The following HNRNPL variants were observed in gnomAD, a reference collection of about 807,000 sequenced individuals.
The protein encoded by HNRNPL is heterogeneous nuclear ribonucleoprotein L, also known as epididymis secretory sperm binding protein.
In HNRNPL, 12 loss-of-function variants were observed where a neutral mutation model predicts 64.0. The observed-to-expected ratio is 0.19, with a 90% CI of 0.12 to 0.30. The LOEUF is 0.30. HNRNPL is among the 10% of genes least tolerant of loss of function. The probability of loss-of-function intolerance (pLI) is 1.00; values close to 1 mark genes in which losing one functional copy is unlikely to be tolerated. For missense variants in HNRNPL, 484 were observed against 797.4 expected (o/e 0.61, Z 4.73); for synonymous variants, 385 against 313.0 (o/e 1.23, Z -2.43).
At position 38,840,319 on chromosome 19, in the gene HNRNPL, G is replaced by C. The variant is rs1463136920; in HGVS notation, c.1010C>G (p.Pro337Arg). The change falls in exon 8 of 13, where the codon CCA becomes CGA. Residue 337 changes from proline to arginine, a missense_variant. Physicochemically the swap from Pro to Arg is moderately radical, Grantham distance 103. This residue lies in a region of HNRNPL where 46 missense variants were observed against 37.4 expected (regional missense o/e 1.23). Coordinates refer to ENST00000221419, the MANE Select transcript of HNRNPL (RefSeq NM_001533.3). ...CATCCTTCTCCCTTCGTAGTGAGGT[G>C]GGGGGGGCCCGTAGCCCTCATCATG... ...HYHDEGYGPP[P>R]PHYEGRRMGP... 9.9e-6 allele frequency: 15 copies of C among 1,510,926 alleles called. No homozygotes were observed. The highest frequency in any genetic ancestry group is 1.3e-5 in the Non-Finnish European group (15 of 1,111,362). The allele number at this position is 1,510,926 out of a possible 1,614,324, so 93.6% of individuals were successfully genotyped here. A position where few individuals can be genotyped will look rare whatever the true frequency, so the allele number is the denominator to read the frequency against.
At position 38,840,301 on chromosome 19, in the gene HNRNPL, C is replaced by T. The variant is rs1972069155; in HGVS notation, c.1028G>A (p.Arg343Lys). 5 of 1,569,194 alleles carry T rather than the reference C, an allele frequency of 3.2e-6. No individual in the cohort carries two copies. The highest frequency in any genetic ancestry group is 4.3e-6 in the Non-Finnish European group (5 of 1,157,122). ...ACCCCCCACTGGTGGACCCATCCTT[C>T]TCCCTTCGTAGTGAGGTGGGGGGGG... is the stretch of plus-strand genomic sequence containing the variant. Reference protein sequence around the residue: ...YGPPPPHYEGRRMGPPVGGHR... With the variant: ...YGPPPPHYEGKRMGPPVGGHR... Residue 343 changes from arginine to lysine, a missense_variant, in exon 8 of 13, where the codon AGA becomes AAA. Physicochemically the swap from Arg to Lys is conservative, Grantham distance 26. Coordinates refer to ENST00000221419, the MANE Select transcript of HNRNPL (RefSeq NM_001533.3).
intron 6 of HNRNPL, 107 bp downstream of exon 6, chr19:38,843,735 T>TG (rs1316165744): frequency 4.3e-6 from 4 of 923,394 alleles, no homozygotes; most frequent in African/African-American, 1.6e-5. Flanking sequence ...CCCATGTCCA[T>TG]GGGGGGCCCA....
chr19:38,852,180 C>T (rs1226465466), upstream of HNRNPL: 2 of 147,874 alleles, frequency 1.4e-5, no homozygotes, highest in Non-Finnish European at 3.0e-5. Flanking sequence ...ACCCCCCGCG[C>T]TCCCGGCCAC....
intron 10 of HNRNPL, 45 bp from the exon 11 acceptor site, chr19:38,837,696 C>G (rs1183853054): frequency 6.4e-7 from 1 of 1,557,444 alleles, no homozygotes; most frequent in Admixed American, 1.7e-5. Context: ...AACAAAAGGG[C>G]CGCCACACAG....
Position 38,836,556 on chromosome 19 carries a change from C to T in HNRNPL, c.*166G>A, listed in dbSNP as rs186501702. 2.2e-5 allele frequency: 10 copies of T among 454,400 alleles called. No homozygotes were observed. In the Admixed American group the frequency reaches 3.3e-4, roughly 15 times the overall value. 28.1% of individuals were successfully genotyped at this position (454,400 alleles called of 1,614,324 possible). ...TCTCCCTCCCCCTGCAGATTTCCAGCGTTTCCATTAAGGTTAAGTAAGCCT... is the reference window on the plus strand; with the variant it reads ...TCTCCCTCCCCCTGCAGATTTCCAGTGTTTCCATTAAGGTTAAGTAAGCCT... On this transcript the variant is annotated 3_prime_UTR_variant, in exon 13 of 13. Transcript: ENST00000221419.
chr19:38,849,652 T>G (rs748458025), intron 1 of HNRNPL, 48 bp downstream of exon 1: 1 of 1,301,976 alleles, frequency 7.7e-7, no homozygotes, highest in Non-Finnish European at 9.7e-7. Flanking sequence ...AGCTGGGAAA[T>G]TGTCCCCCAG....
upstream of HNRNPL, among the ~76,000 whole-genome samples, chr19:38,851,967 G>A (rs955579989): frequency 6.6e-6 from 1 of 151,944 alleles, no homozygotes; most frequent in Non-Finnish European, 1.5e-5. Flanking sequence ...AGGAGGCCGG[G>A]CCGGTCGCGA....
chr19:38,843,964 A>C, intron 5 of HNRNPL, 44 bp downstream of exon 5: 3 of 1,608,424 alleles, frequency 1.9e-6, no homozygotes, highest in East Asian at 2.2e-5. Flanking sequence ...GCCCCAGCTC[A>C]CCTGGAAGCT....
intron 2 of HNRNPL, 128 bp downstream of exon 2, chr19:38,847,188 G>A (rs1831179525): frequency 2.0e-6 from 1 of 511,882 alleles, no homozygotes; most frequent in Non-Finnish European, 3.5e-6. Flanking sequence ...CAACCCAAAA[G>A]CAGAGCGGCC....
Position 38,840,391 on chromosome 19 carries a change from G to T in HNRNPL, c.953-15C>A. ...GTGGGGCCCTCCTGGGGGGTGGGAA[G>T]GAAAGAGAGGGAGGACGGGTGAGAA... is the stretch of plus-strand genomic sequence containing the variant. On this transcript the variant is annotated splice_polypyrimidine_tract_variant and intron_variant, in intron 7 of 12. Coordinates refer to ENST00000221419, the MANE Select transcript of HNRNPL (RefSeq NM_001533.3). The T allele has an allele frequency of 6.4e-7, 1 of 1,561,086 alleles. No homozygotes were observed. The highest frequency in any genetic ancestry group is 8.7e-7 in the Non-Finnish European group (1 of 1,152,932).
At chr19:38,837,316 C>G (rs1971961821) in intron 12 of HNRNPL, 68 bp downstream of exon 12, 3 of 1,243,674 alleles carry the variant, frequency 2.4e-6, no homozygotes, top group African/African-American at 1.5e-5. Context: ...GGAAGGACAT[C>G]CCTGGCCTGA....
At chr19:38,838,652 C>G (rs557110412) in intron 9 of HNRNPL, 54 bp from the exon 10 acceptor site, 1 of 1,559,252 alleles carries the variant, frequency 6.4e-7, no homozygotes, top group Admixed American at 1.7e-5. Flanking sequence ...GTCCCTGAAG[C>G]TTTCCCCTGT....
At chr19:38,838,164 A>G (rs1390782878) in intron 10 of HNRNPL, among the ~76,000 whole-genome samples, 1 of 152,208 alleles carries the variant, frequency 6.6e-6, no homozygotes, top group Non-Finnish European at 1.5e-5. Flanking sequence ...CAAAAATGTA[A>G]AAGGAAGGAA....
upstream of HNRNPL, among the ~76,000 whole-genome samples, chr19:38,851,650 G>A (rs953854520): frequency 6.6e-6 from 1 of 152,198 alleles, no homozygotes; most frequent in Non-Finnish European, 1.5e-5. Context: ...TGTAATCCCA[G>A]CACTTGGGGA....
At chr19:38,851,850 G>T (rs567930400), upstream of HNRNPL, among the ~76,000 whole-genome samples, 2 of 152,172 alleles carry the variant, frequency 1.3e-5, no homozygotes, top group South Asian at 4.1e-4. Flanking sequence ...AGGGGGCCTT[G>T]CTGGGGACCT....
At chr19:38,845,827 C>T (rs1340244137) in intron 3 of HNRNPL, 26 bp downstream of exon 3, 1 of 1,606,270 alleles carries the variant, frequency 6.2e-7, no homozygotes, top group African/African-American at 1.3e-5. Context: ...AGGGAGACCT[C>T]ACAAGAAATG....
chr19:38,846,536 G>T (rs867301184), intron 2 of HNRNPL, among the ~76,000 whole-genome samples: 1 of 152,156 alleles, frequency 6.6e-6, no homozygotes, highest in South Asian at 2.1e-4. Context: ...ACTTGGGAGG[G>T]CTAGGTGGGC....
Position 38,838,605 on chromosome 19 carries a change from CAAGG to C in HNRNPL, c.1356-11_1356-8del. The C allele has an allele frequency of 7.4e-6, 12 of 1,612,934 alleles. No individual in the cohort carries two copies. The highest frequency in any genetic ancestry group is 1.0e-5 in the Non-Finnish European group (12 of 1,179,216). The stretch of plus-strand genomic sequence containing the variant: ...GGCTGGCTGCTTGGAGACACTGCAG[CAAGG>C]AAGAAAGGGGAGCCTTTGTCATACC... On this transcript the variant is annotated splice_region_variant and splice_polypyrimidine_tract_variant and intron_variant, in intron 9 of 12. Transcript: ENST00000221419.
intron 8 of HNRNPL, 40 bp from the exon 9 acceptor site, chr19:38,839,055 G>A (rs780211831): frequency 3.1e-6 from 5 of 1,609,070 alleles, no homozygotes; most frequent in East Asian, 4.5e-5. Context: ...CTGTCCAGCT[G>A]CCAGGGTCCC....
Sources: gnomAD v4.1 joint callset for allele counts (sites outside exome capture counted in the v4.1 genomes callset) on GRCh38, gnomAD v4.1.1 for gene constraint, gnomAD v4.1.1 regional missense constraint, MANE v1.5 for transcripts, NCBI Gene and HGNC (gene_info 2026-07-23, HGNC 2026-07-21) for gene names.